CBFB: variants seen among roughly 807,000 people sequenced by gnomAD.
CBFB encodes core-binding factor subunit beta.
A neutral mutation model predicts 30.4 loss-of-function variants in CBFB; 9 were observed. The ratio of observed to expected loss-of-function variants is 0.30; its 90% CI spans 0.18 to 0.52. The LOEUF (loss-of-function observed/expected upper bound fraction) is 0.52. Ranked by LOEUF, CBFB falls within the 20% of genes least tolerant of loss-of-function variation. CBFB has a pLI of 0.97. For synonymous variants in CBFB, 94 were observed against 84.0 expected, an observed-to-expected ratio of 1.12 and a Z score of -0.65; for missense variants, 170 against 244.0, an observed-to-expected ratio of 0.70 and a Z score of 2.02.
Position 67,082,235 on chromosome 16 carries a change from A to G in CBFB, c.422A>G (p.Gln141Arg), listed in dbSNP as rs1192355918. Residue 141 changes from glutamine (Q) to arginine (R), a missense_variant, in exon 5 of 6, where the codon CAG (glutamine) becomes CGG (arginine). Coordinates refer to ENST00000412916, the MANE Select transcript of CBFB (RefSeq NM_022845.3). ...RAQQEDALAQ[Q>R]AFEEARRRTR... ...CAGCAGGAGGATGCATTAGCACAACAGGCCTTTGAAGAGGCTCGGAGAAGG... is the reference window on the plus strand; with the variant it reads ...CAGCAGGAGGATGCATTAGCACAACGGGCCTTTGAAGAGGCTCGGAGAAGG... The G allele has an allele frequency of 6.2e-7, 1 of 1,607,762 alleles. No individual in the cohort carries two copies. Among genetic ancestry groups the G allele is most frequent in the Non-Finnish European group, 8.5e-7 (1 of 1,175,388 alleles).
At chr16:67,094,028 A>G (rs918764894) in intron 5 of CBFB, among the ~76,000 whole-genome samples, 5 of 151,778 alleles carry the variant, frequency 3.3e-5, no homozygotes, top group African/African-American at 1.2e-4. Context: ...ATGACGGTCA[A>G]TACATCTTCC....
At chr16:67,054,940 T>C (rs1211673098) in intron 3 of CBFB, among the ~76,000 whole-genome samples, 3 of 151,636 alleles carry the variant, frequency 2.0e-5, no homozygotes, top group African/African-American at 7.3e-5. Flanking sequence ...ATTTTTTTTT[T>C]TTTTTTTAGT....
At chr16:67,075,002 G>A (rs1221492256) in intron 4 of CBFB, among the ~76,000 whole-genome samples, 1 of 151,844 alleles carries the variant, frequency 6.6e-6, no homozygotes, top group Non-Finnish European at 1.5e-5. Flanking sequence ...AGACCAGCCT[G>A]GTATGGCAAA....
chr16:67,052,553 G>A (rs1960585265), intron 3 of CBFB, among the ~76,000 whole-genome samples: 1 of 151,598 alleles, frequency 6.6e-6, no homozygotes. Flanking sequence ...TCCAACCTGG[G>A]TGAAGGAGGG....
intron 5 of CBFB, among the ~76,000 whole-genome samples, chr16:67,086,596 C>T (rs1313130858): frequency 1.3e-5 from 2 of 152,142 alleles, no homozygotes. Flanking sequence ...TGTCTGAAAA[C>T]TAGAATTATA....
intron 2 of CBFB, among the ~76,000 whole-genome samples, chr16:67,032,279 C>T (rs1448372239): frequency 6.6e-6 from 1 of 152,102 alleles, no homozygotes; most frequent in Non-Finnish European, 1.5e-5. Context: ...TAGCCATGAT[C>T]GTACCACTGC....
chr16:67,046,091 G>C (rs1342031603), intron 3 of CBFB, among the ~76,000 whole-genome samples: 1 of 150,552 alleles, frequency 6.6e-6, no homozygotes, highest in Non-Finnish European at 1.5e-5. Context: ...GAGCCACTGT[G>C]CCTGGCCTTT....
At chr16:67,068,768 A>G (rs751206428) in intron 4 of CBFB, among the ~76,000 whole-genome samples, 1 of 152,230 alleles carries the variant, frequency 6.6e-6, no homozygotes, top group African/African-American at 2.4e-5. Context: ...GTTCTTAGTG[A>G]GAAAGACTTC....
intron 4 of CBFB, among the ~76,000 whole-genome samples, chr16:67,075,308 A>G (rs1275844435): frequency 6.6e-6 from 1 of 152,036 alleles, no homozygotes; most frequent in East Asian, 1.9e-4. Context: ...GAAATTGGCG[A>G]AAGACATTTA....
chr16:67,077,980 A>G (rs1025660406), intron 4 of CBFB, among the ~76,000 whole-genome samples: 8 of 152,364 alleles, frequency 5.3e-5, no homozygotes, highest in Admixed American at 5.2e-4. Flanking sequence ...GACTAGTAGT[A>G]TAACAAGTGG....
chr16:67,085,448 G>A (rs1961697215), intron 5 of CBFB, among the ~76,000 whole-genome samples: 2 of 137,206 alleles, frequency 1.5e-5, no homozygotes, highest in South Asian at 4.5e-4. Flanking sequence ...GGGATTACAG[G>A]AGTGAGCCAC....
chr16:67,061,308 G>A (rs1438385611), intron 3 of CBFB, among the ~76,000 whole-genome samples: 1 of 152,068 alleles, frequency 6.6e-6, no homozygotes, highest in African/African-American at 2.4e-5. Flanking sequence ...TCTCATGTAT[G>A]GTTAGCTGCA....
At chr16:67,055,755 C>T (rs1418038751) in intron 3 of CBFB, among the ~76,000 whole-genome samples, 1 of 152,120 alleles carries the variant, frequency 6.6e-6, no homozygotes, top group African/African-American at 2.4e-5. Context: ...GCTATTTTTA[C>T]ACATACATGC....
chr16:67,031,881 C>A (rs927935048), intron 2 of CBFB, among the ~76,000 whole-genome samples: 1 of 151,334 alleles, frequency 6.6e-6, no homozygotes, highest in Admixed American at 6.6e-5. Context: ...AGTGGCTGTT[C>A]ACAGGCACAA....
intron 2 of CBFB, among the ~76,000 whole-genome samples, chr16:67,036,075 CAT>C (rs1966436156): frequency 6.6e-6 from 1 of 152,256 alleles, no homozygotes; most frequent in African/African-American, 2.4e-5. Context: ...TGAGAAAAGA[CAT>C]ATTTTTAAAA....
At position 67,058,128 on chromosome 16, in the gene CBFB, G is replaced by GGTTGTT. The variant is rs59958780; in HGVS notation, c.283-8528_283-8523dup. On this transcript the variant is annotated intron_variant, in intron 3 of 5. Transcript: ENST00000412916. ...TGACATCACACTAGTTATTCAAATCGGTTGTTGTTGTTGTTGTTGTTGTTG... is the reference window on the plus strand; with the variant it reads ...TGACATCACACTAGTTATTCAAATCGGTTGTTGTTGTTGTTGTTGTTGTTGTTGTTG... 8.4e-3 allele frequency among the ~76,000 whole-genome samples: 1,277 copies of GGTTGTT among 151,434 alleles called. 8 individuals are homozygous for GGTTGTT. Among genetic ancestry groups the GGTTGTT allele is most frequent in the Non-Finnish European group, 0.013 (866 of 67,832 alleles).
rs149716065 is a variant in CBFB, at chr16:67,034,437, T to C, written c.166-2202T>C. Among the ~76,000 whole-genome samples, 355 of 152,376 alleles carry C rather than the reference T, an allele frequency of 2.3e-3. 2 individuals carry two copies. The highest frequency in any genetic ancestry group is 8.2e-3 in the African/African-American group (339 of 41,588). On this transcript the variant is annotated intron_variant, in intron 2 of 5. Coordinates refer to ENST00000412916, the MANE Select transcript of CBFB (RefSeq NM_022845.3). ...TTTCGTCTTTATTTTCCTATGACGA[T>C]GTTGACACCATATTAATATTTTGGA...
chr16:67,047,944 C>T (rs955111103), intron 3 of CBFB, among the ~76,000 whole-genome samples: 1 of 152,146 alleles, frequency 6.6e-6, no homozygotes, highest in Non-Finnish European at 1.5e-5. Flanking sequence ...TGGTGGGTGC[C>T]TCTGGTCCCA....
chr16:67,075,541 C>T (rs773917852), intron 4 of CBFB, among the ~76,000 whole-genome samples: 3 of 150,314 alleles, frequency 2.0e-5, no homozygotes, highest in Non-Finnish European at 3.0e-5. Context: ...ATGCAAGCTG[C>T]GCATGCATAT....
Sources: gnomAD v4.1 joint callset for allele counts (sites outside exome capture counted in the v4.1 genomes callset) on GRCh38, gnomAD v4.1.1 for gene constraint, MANE v1.5 for transcripts, NCBI Gene and HGNC (gene_info 2026-07-23, HGNC 2026-07-21) for gene names.